SPDYE10: variants seen among roughly 807,000 people sequenced by gnomAD.
SPDYE10 encodes the protein speedy protein E10.
At chr7:73,152,246 C>T in the SPDYE10 span, among the ~76,000 whole-genome samples, 1 of 137,090 alleles carries the variant, frequency 7.3e-6, no homozygotes, top group African/African-American at 2.9e-5. Context: ...AACTCCTGTC[C>T]TTGTGATCTG....
the SPDYE10 span, among the ~76,000 whole-genome samples, chr7:73,116,895 T>A: frequency 1.1e-4 from 16 of 151,062 alleles, no homozygotes; most frequent in Admixed American, 2.6e-4. Context: ...CCTAACAGAT[T>A]TGTTTTTTTT....
chr7:73,123,795 C>CTCTCTT, the SPDYE10 span, among the ~76,000 whole-genome samples: 206 of 146,744 alleles, frequency 1.4e-3, no homozygotes, highest in Middle Eastern at 3.6e-3. Flanking sequence ...CTCCCTCTCT[C>CTCTCTT]TCTCTCTCTC....
the SPDYE10 span, among the ~76,000 whole-genome samples, chr7:73,139,658 G>T: frequency 4.2e-3 from 614 of 147,222 alleles, 6 homozygotes; most frequent in African/African-American, 0.015. Context: ...TGTTTTTTGT[G>T]TTTTTTTTTT....
chr7:73,135,529 C>CT, the SPDYE10 span, among the ~76,000 whole-genome samples: 668 of 120,782 alleles, frequency 5.5e-3, no homozygotes, highest in African/African-American at 0.014. Flanking sequence ...TCTTTCTTTT[C>CT]TTTTTTTTTT....
chr7:73,111,324 C>CCT, the SPDYE10 span, among the ~76,000 whole-genome samples: 1 of 142,782 alleles, frequency 7.0e-6, no homozygotes, highest in Non-Finnish European at 1.5e-5. Context: ...CCCATTCTTC[C>CCT]CTCTCTCTGT....
At chr7:73,111,404 T>C in the SPDYE10 span, among the ~76,000 whole-genome samples, 3 of 146,142 alleles carry the variant, frequency 2.1e-5, no homozygotes. Context: ...TTTTTTTTTT[T>C]TGTTTCGAGA....
chr7:73,142,530 T>G, the SPDYE10 span, among the ~76,000 whole-genome samples: 4 of 152,142 alleles, frequency 2.6e-5, no homozygotes, highest in Non-Finnish European at 5.9e-5. Context: ...AAGCTTAATT[T>G]TAAAACATTG....
the SPDYE10 span, among the ~76,000 whole-genome samples, chr7:73,113,780 A>C: frequency 6.6e-6 from 1 of 152,016 alleles, no homozygotes; most frequent in South Asian, 2.1e-4. Flanking sequence ...TCATGCCTGT[A>C]ATCCCAGCAC....
the SPDYE10 span, among the ~76,000 whole-genome samples, chr7:73,141,070 C>CCACA: frequency 0.053 from 7,167 of 135,400 alleles, 45 homozygotes; most frequent in Middle Eastern, 0.079. Context: ...TCCATTTCTA[C>CCACA]CACACACACA....
chr7:73,141,178 A>G, the SPDYE10 span, among the ~76,000 whole-genome samples: 1 of 152,248 alleles, frequency 6.6e-6, no homozygotes, highest in African/African-American at 2.4e-5. Context: ...GTTGCAATCA[A>G]CAGAATCCAT....
At chr7:73,116,844 G>A in the SPDYE10 span, among the ~76,000 whole-genome samples, 1 of 148,938 alleles carries the variant, frequency 6.7e-6, no homozygotes, top group Non-Finnish European at 1.5e-5. Context: ...GCCTCCCAAA[G>A]TGCTGCAATT....
At chr7:73,137,146 C>A in the SPDYE10 span, among the ~76,000 whole-genome samples, 3 of 151,500 alleles carry the variant, frequency 2.0e-5, no homozygotes, top group Non-Finnish European at 4.4e-5. Context: ...TTTGGGAGGC[C>A]AAGGTGGATG....
the SPDYE10 span, among the ~76,000 whole-genome samples, chr7:73,134,698 C>T: frequency 1.3e-5 from 2 of 152,366 alleles, no homozygotes; most frequent in South Asian, 2.1e-4. Flanking sequence ...CCCGTCTCTA[C>T]TAAAAATACA....
At chr7:73,134,982 T>TA in the SPDYE10 span, among the ~76,000 whole-genome samples, 1 of 152,404 alleles carries the variant, frequency 6.6e-6, no homozygotes, top group African/African-American at 2.4e-5. Context: ...CAGAGAGAGA[T>TA]AGGAGGGAAA....
the SPDYE10 span, among the ~76,000 whole-genome samples, chr7:73,150,713 C>G: frequency 3.6e-5 from 5 of 138,540 alleles, no homozygotes; most frequent in Non-Finnish European, 1.6e-5. Flanking sequence ...CAGAGTGAGA[C>G]TCTGTCTCAA....
At chr7:73,137,531 A>G in the SPDYE10 span, among the ~76,000 whole-genome samples, 1 of 150,998 alleles carries the variant, frequency 6.6e-6, no homozygotes, top group Non-Finnish European at 1.5e-5. Flanking sequence ...AAAAAAGGAA[A>G]GAAAGAGAGA....
chr7:73,154,918 A>C, the SPDYE10 span: 3 of 152,746 alleles, frequency 2.0e-5, no homozygotes, highest in Non-Finnish European at 2.9e-5. Flanking sequence ...CCGGCGTTTG[A>C]GTGGCAAGTT....
the SPDYE10 span, among the ~76,000 whole-genome samples, chr7:73,123,942 TG>T: frequency 3.3e-5 from 5 of 151,484 alleles, 1 homozygote; most frequent in Admixed American, 2.6e-4. Context: ...GGGGTTTTTT[TG>T]TTTTTTTGTT....
chr7:73,124,021 A>G, the SPDYE10 span, among the ~76,000 whole-genome samples: 1 of 149,726 alleles, frequency 6.7e-6, no homozygotes, highest in Admixed American at 6.6e-5. Context: ...AGGTTCAAGC[A>G]ATCTTCCGGC....
Sources: gnomAD v4.1 joint callset for allele counts (sites outside exome capture counted in the v4.1 genomes callset) on GRCh38, gnomAD v4.1.1 for gene constraint, MANE v1.5 for transcripts, NCBI Gene and HGNC (gene_info 2026-07-23, HGNC 2026-07-21) for gene names.